Variants in SERPINI2 observed in about 807,000 individuals in gnomAD.
The protein encoded by SERPINI2 is serpin family I member 2.
In SERPINI2, 48 loss-of-function variants were observed where a neutral mutation model predicts 47.3. That is an observed-to-expected ratio of 1.02 (90% CI 0.81 to 1.29). The LOEUF is 1.29. Ranked by LOEUF, SERPINI2 falls within the 50% of genes most tolerant of loss-of-function variation. SERPINI2 has a pLI of 0.00. For synonymous variants in SERPINI2, 135 were observed against 149.3 expected (o/e 0.90, Z 0.70); for missense variants, 448 against 456.9 (o/e 0.98, Z 0.18).
intron 5 of SERPINI2, among the ~76,000 whole-genome samples, chr3:167,462,659 A>G (rs745621687): frequency 6.6e-6 from 1 of 152,224 alleles, no homozygotes; most frequent in Non-Finnish European, 1.5e-5. Flanking sequence ...AATTCAACCC[A>G]TAACAGTTGT....
chr3:167,462,857 A>G (rs1386587116), intron 5 of SERPINI2, among the ~76,000 whole-genome samples: 2 of 152,192 alleles, frequency 1.3e-5, no homozygotes, highest in East Asian at 3.8e-4. Flanking sequence ...CAAACAGTTC[A>G]AAGTTGTCTA....
At chr3:167,463,601 T>C (rs1439309876) in intron 5 of SERPINI2, among the ~76,000 whole-genome samples, 1 of 152,152 alleles carries the variant, frequency 6.6e-6, no homozygotes, top group African/African-American at 2.4e-5. Context: ...AAGGGATGGT[T>C]AATAATACTT....
At chr3:167,448,295 C>G (rs1425206045) in intron 7 of SERPINI2, among the ~76,000 whole-genome samples, 3 of 152,158 alleles carry the variant, frequency 2.0e-5, no homozygotes, top group Non-Finnish European at 2.9e-5. Context: ...GGGTTTGGAT[C>G]TGAGATTTTG....
exon 2 of SERPINI2, chr3:167,471,694 A>G: frequency 6.2e-7 from 1 of 1,613,584 alleles, no homozygotes; most frequent in East Asian, 2.2e-5. Context: ...CAAGGGGTGA[A>G]AATATAATGT....
intron 1 of SERPINI2, among the ~76,000 whole-genome samples, chr3:167,472,346 G>A (rs1750354209): frequency 6.6e-6 from 1 of 151,906 alleles, no homozygotes; most frequent in Non-Finnish European, 1.5e-5. Context: ...GAGTAATCTG[G>A]CTAACTTTTT....
intron 2 of SERPINI2, chr3:167,469,131 G>A (rs374990764): frequency 2.4e-4 from 37 of 152,134 alleles, no homozygotes; most frequent in African/African-American, 5.5e-4. Flanking sequence ...ATTTTATTTC[G>A]TTTCTAGATT....
At chr3:167,471,074 AT>A (rs562706322) in intron 2 of SERPINI2, among the ~76,000 whole-genome samples, 21 of 152,024 alleles carry the variant, frequency 1.4e-4, no homozygotes, top group Middle Eastern at 3.4e-3. Flanking sequence ...GATGAGGTGC[AT>A]TTTTTTTAAG....
exon 2 of SERPINI2, chr3:167,471,683 C>A (rs1401323628): frequency 1.2e-6 from 2 of 1,613,436 alleles, no homozygotes; most frequent in South Asian, 2.2e-5. Flanking sequence ...CAAAGTTATT[C>A]CAAGGGGTGA....
chr3:167,455,122 G>A (rs73881219), intron 5 of SERPINI2, among the ~76,000 whole-genome samples: 140 of 152,170 alleles, frequency 9.2e-4, no homozygotes, highest in African/African-American at 3.0e-3. Context: ...TCCCAGTTGT[G>A]GTTCATTTTC....
At chr3:167,465,524 T>C (rs1340966631) in exon 4 of SERPINI2, 3 of 1,613,766 alleles carry the variant, frequency 1.9e-6, no homozygotes, top group African/African-American at 1.3e-5. Flanking sequence ...ATTTTGACAG[T>C]TGAACCATTT....
At chr3:167,468,693 A>C (rs1418797174) in intron 2 of SERPINI2, among the ~76,000 whole-genome samples, 1 of 152,188 alleles carries the variant, frequency 6.6e-6, no homozygotes, top group African/African-American at 2.4e-5. Flanking sequence ...TACATAAGGA[A>C]GGGAAGAAAG....
intron 5 of SERPINI2, among the ~76,000 whole-genome samples, chr3:167,457,625 C>T (rs941559834): frequency 6.6e-6 from 1 of 152,192 alleles, no homozygotes; most frequent in African/African-American, 2.4e-5. Flanking sequence ...CAGTTTAAAG[C>T]AACAAATCCT....
intron 7 of SERPINI2, among the ~76,000 whole-genome samples, chr3:167,448,727 T>A (rs1047677744): frequency 6.6e-6 from 1 of 152,124 alleles, no homozygotes; most frequent in Admixed American, 6.5e-5. Context: ...TTTCACCGTG[T>A]TATCCAGGAT....
chr3:167,460,142 T>C (rs2108164086), intron 5 of SERPINI2, among the ~76,000 whole-genome samples: 1 of 152,364 alleles, frequency 6.6e-6, no homozygotes, highest in Non-Finnish European at 1.5e-5. Flanking sequence ...TGTTGTGTTG[T>C]GCTGTTATAG....
At chr3:167,456,579 C>CTGTT (rs920499070) in intron 5 of SERPINI2, among the ~76,000 whole-genome samples, 1 of 152,190 alleles carries the variant, frequency 6.6e-6, no homozygotes, top group Non-Finnish European at 1.5e-5. Context: ...CTATCACTGA[C>CTGTT]TGTTTGTTCT....
chr3:167,465,644 C>T (rs757996596), exon 4 of SERPINI2: 1 of 1,611,006 alleles, frequency 6.2e-7, no homozygotes, highest in Non-Finnish European at 8.5e-7. Flanking sequence ...GGGCCAAATT[C>T]TTCCCCTGAA....
chr3:167,449,268 C>T, intron 7 of SERPINI2, 48 bp downstream of exon 7: 1 of 1,248,174 alleles, frequency 8.0e-7, no homozygotes, highest in Non-Finnish European at 1.2e-6. Flanking sequence ...TAATGTTCAT[C>T]CTCTCCCCAT....
At chr3:167,458,544 G>A (rs1370427365) in intron 5 of SERPINI2, among the ~76,000 whole-genome samples, 1 of 151,752 alleles carries the variant, frequency 6.6e-6, no homozygotes, top group Non-Finnish European at 1.5e-5. Context: ...CTACAGGCGT[G>A]AGCCACCGCT....
At chr3:167,467,018 T>G (rs111822300) in intron 3 of SERPINI2, 37 bp downstream of exon 3, 4 of 1,470,870 alleles carry the variant, frequency 2.7e-6, no homozygotes, top group African/African-American at 1.4e-5. Flanking sequence ...ATGAATACAA[T>G]GGCAAATAAT....
Sources: allele counts gnomAD v4.1 joint callset (sites outside exome capture counted in the v4.1 genomes callset), GRCh38; gene constraint gnomAD v4.1.1; transcripts MANE v1.5; gene names NCBI Gene and HGNC (gene_info 2026-07-23, HGNC 2026-07-21).